Variants in SUGP2 observed in about 807,000 individuals in gnomAD.
The protein encoded by SUGP2 is SURP and G-patch domain containing 2.
Under a neutral mutation model 90.5 loss-of-function variants are expected in SUGP2, and 24 were observed. That is an observed-to-expected ratio of 0.27 (90% CI 0.19 to 0.37). SUGP2 has a LOEUF of 0.37. Ranked by LOEUF, SUGP2 falls within the 10% of genes least tolerant of loss-of-function variation. The pLI is 1.00. For missense variants in SUGP2, 1,233 were observed against 1,363.3 expected (o/e 0.90, Z 1.51); for synonymous variants, 473 against 513.4 (o/e 0.92, Z 1.06).
At chr19:19,004,079 A>T in intron 7 of SUGP2, 89 bp downstream of exon 7, 2 of 1,051,640 alleles carry the variant, frequency 1.9e-6, no homozygotes, top group Non-Finnish European at 2.8e-6. Context: ...CTTTTGGATT[A>T]AAATGTCTCC....
At chr19:19,010,374 T>A in intron 4 of SUGP2, 32 bp from the exon 5 acceptor site, 3 of 1,592,502 alleles carry the variant, frequency 1.9e-6, no homozygotes, top group Non-Finnish European at 2.6e-6. Context: ...ACGGGACATT[T>A]ATGAAAACAC....
chr19:19,025,407 A>C lies in SUGP2; in HGVS notation c.941T>G (p.Met314Arg), dbSNP rs1275382834. Residue 314 changes from methionine (M) to arginine (R), a missense_variant, in exon 3 of 11, where the codon ATG becomes AGG. Coordinates refer to ENST00000452918, the MANE Select transcript of SUGP2 (RefSeq NM_001017392.5). ...LKNLRLPRRK[M>R]SFDIIDKSDV... ...AGACTTATCTATGATGTCAAAGCTC[A>C]TCTTTCTTCTGGGGAGCCGAAGATT... 1.2e-6 allele frequency: 2 copies of C among 1,614,030 alleles called. No homozygotes were observed. The highest frequency in any genetic ancestry group is 2.7e-5 in the African/African-American group (2 of 74,920).
intron 6 of SUGP2, among the ~76,000 whole-genome samples, chr19:19,005,504 TG>T (rs1203883339): frequency 6.6e-6 from 1 of 151,974 alleles, no homozygotes; most frequent in Non-Finnish European, 1.5e-5. Context: ...CACTATAAAA[TG>T]CCCCAAAGCC....
chr19:19,033,353 G>A (rs2145815736), intron 1 of SUGP2, 84 bp downstream of exon 1: 1 of 1,152,228 alleles, frequency 8.7e-7, no homozygotes, highest in African/African-American at 1.6e-5. Flanking sequence ...CGCCATCACG[G>A]AGCCCGGGGC....
intron 7 of SUGP2, among the ~76,000 whole-genome samples, chr19:19,002,774 G>C (rs967353747): frequency 6.6e-6 from 1 of 151,510 alleles, no homozygotes; most frequent in Non-Finnish European, 1.5e-5. Context: ...TGGCCTCCCA[G>C]AGTGCTGGGA....
chr19:19,021,722 A>G (rs1438077285), intron 3 of SUGP2, among the ~76,000 whole-genome samples: 1 of 148,372 alleles, frequency 6.7e-6, no homozygotes, highest in East Asian at 2.0e-4. Flanking sequence ...GCTGGAGTGG[A>G]GTGGTGCGCT....
chr19:18,997,289 G>T (rs2057638404), intron 8 of SUGP2, among the ~76,000 whole-genome samples: 1 of 151,688 alleles, frequency 6.6e-6, no homozygotes. Flanking sequence ...GGGGAGCCAG[G>T]GGCTGGGAGA....
In SUGP2 at chr19:19,025,696, T is replaced by G; in HGVS notation, c.652A>C (p.Ile218Leu). 6.2e-7 allele frequency: 1 copy of G among 1,613,996 alleles called. No homozygotes were observed. The highest frequency in any genetic ancestry group is 8.5e-7 in the Non-Finnish European group (1 of 1,179,928). Reference protein sequence around the residue: ...QVQARGRALNIVDQEGSLLGK... With the variant: ...QVQARGRALNLVDQEGSLLGK... ...AGGAGGGAACCTTCCTGGTCAACGATGTTTAGAGCTCGACCTCTGGCCTGG... is the reference window on the plus strand; with the variant it reads ...AGGAGGGAACCTTCCTGGTCAACGAGGTTTAGAGCTCGACCTCTGGCCTGG... Residue 218 changes from isoleucine (I) to leucine (L), a missense_variant, in exon 3 of 11, where the codon ATC becomes CTC. Ile to Leu is a conservative substitution (Grantham distance 5). Around this residue, in one of 8 missense-constraint regions of SUGP2, gnomAD observed 418 missense variants for 399.9 expected, o/e 1.05. Transcript: ENST00000452918.
At position 19,033,505 on chromosome 19, in the gene SUGP2, G is replaced by A. The variant is rs2059281686; in HGVS notation, c.-80C>T. On this transcript the variant is annotated 5_prime_UTR_variant, in exon 1 of 11. Coordinates refer to ENST00000452918, the MANE Select transcript of SUGP2 (RefSeq NM_001017392.5). ...GCTCCTCACCCGCCGCCGCCGCCGC[G>A]CGAGGCGGGGACATGCAAATGAACC... is the stretch of plus-strand genomic sequence containing the variant. 1 of 1,404,792 alleles carries A rather than the reference G, an allele frequency of 7.1e-7. No homozygotes were observed. Among genetic ancestry groups the A allele is most frequent in the Admixed American group, 2.8e-5 (1 of 35,228 alleles). 87.0% of individuals were successfully genotyped at this position (1,404,792 alleles called of 1,614,324 possible).
At chr19:19,005,005 T>G (rs2058006334) in intron 6 of SUGP2, among the ~76,000 whole-genome samples, 1 of 152,210 alleles carries the variant, frequency 6.6e-6, no homozygotes, top group African/African-American at 2.4e-5. Context: ...TGTGCCCATT[T>G]TGACTCTGGT....
At chr19:19,003,142 T>C (rs947136547) in intron 7 of SUGP2, among the ~76,000 whole-genome samples, 2 of 152,112 alleles carry the variant, frequency 1.3e-5, no homozygotes, top group Non-Finnish European at 2.9e-5. Flanking sequence ...AAGGTTATAG[T>C]AGAATGGTTA....
intron 3 of SUGP2, 63 bp from the exon 4 acceptor site, chr19:19,019,292 A>C: frequency 6.4e-7 from 1 of 1,558,998 alleles, no homozygotes. Flanking sequence ...GAAGACGAGG[A>C]TAGTTGAGTA....
chr19:19,020,120 T>C (rs987268846), intron 3 of SUGP2, among the ~76,000 whole-genome samples: 4 of 147,960 alleles, frequency 2.7e-5, no homozygotes, highest in Non-Finnish European at 5.9e-5. Context: ...ACAGAAAATA[T>C]CTGCTGAATG....
chr19:19,028,745 C>T (rs906224119), intron 2 of SUGP2, among the ~76,000 whole-genome samples: 1 of 152,204 alleles, frequency 6.6e-6, no homozygotes, highest in Non-Finnish European at 1.5e-5. Flanking sequence ...GTCACCCACG[C>T]TGGAGCGCAG....
At chr19:19,019,365 C>T in intron 3 of SUGP2, 136 bp from the exon 4 acceptor site, 3 of 965,178 alleles carry the variant, frequency 3.1e-6, no homozygotes, top group Non-Finnish European at 4.4e-6. Flanking sequence ...TCACAAGACA[C>T]CAGCATTGAA....
At chr19:19,001,017 C>CTTTTT (rs1163536301) in intron 8 of SUGP2, among the ~76,000 whole-genome samples, 1 of 138,524 alleles carries the variant, frequency 7.2e-6, no homozygotes, top group Admixed American at 7.3e-5. Flanking sequence ...GCTTGAACTT[C>CTTTTT]TTTTTTTTTT....
At chr19:19,027,496 A>C (rs1167458509) in intron 2 of SUGP2, among the ~76,000 whole-genome samples, 2 of 152,278 alleles carry the variant, frequency 1.3e-5, no homozygotes, top group African/African-American at 4.8e-5. Flanking sequence ...TTGTCAGTTG[A>C]GAGAGCCAGA....
At chr19:19,032,051 T>C (rs2059181472) in intron 1 of SUGP2, among the ~76,000 whole-genome samples, 3 of 152,158 alleles carry the variant, frequency 2.0e-5, no homozygotes, top group East Asian at 3.9e-4. Context: ...AGCAGTTCTA[T>C]CTGCTGGAGG....
At chr19:19,033,387 C>T in intron 1 of SUGP2, 50 bp downstream of exon 1, 8 of 1,237,096 alleles carry the variant, frequency 6.5e-6, no homozygotes, top group Non-Finnish European at 8.1e-6. Context: ...CGAGCCCGAG[C>T]TTCCCACCCC....
Sources: allele counts gnomAD v4.1 joint callset (sites outside exome capture counted in the v4.1 genomes callset), GRCh38; gene constraint gnomAD v4.1.1; regional missense constraint gnomAD v4.1.1; transcripts MANE v1.5; gene names NCBI Gene and HGNC (gene_info 2026-07-23, HGNC 2026-07-21).